TM7SF3: variants seen among roughly 807,000 people sequenced by gnomAD.
TM7SF3 encodes the protein transmembrane 7 superfamily member 3, also known as seven span transmembrane protein.
A neutral mutation model predicts 65.5 loss-of-function variants in TM7SF3; 60 were observed. The ratio of observed to expected loss-of-function variants is 0.92; its 90% confidence interval spans 0.74 to 1.14. TM7SF3 has a LOEUF of 1.14. TM7SF3 is among the 50% of genes most tolerant of loss of function. The pLI, the probability that TM7SF3 is intolerant of heterozygous loss-of-function variation, is 0.00. For missense variants in TM7SF3, 623 were observed against 684.8 expected (o/e 0.91, Z 1.01); for synonymous variants, 264 against 259.6 (o/e 1.02, Z -0.16).
intron 6 of TM7SF3, among the ~76,000 whole-genome samples, chr12:26,987,793 T>C (rs1940163129): frequency 6.6e-6 from 1 of 151,794 alleles, no homozygotes; most frequent in South Asian, 2.1e-4. Flanking sequence ...TAAAGACACT[T>C]AAAAAAAGGA....
At chr12:27,009,873 T>A (rs1941181864) in intron 1 of TM7SF3, among the ~76,000 whole-genome samples, 1 of 152,240 alleles carries the variant, frequency 6.6e-6, no homozygotes, top group Non-Finnish European at 1.5e-5. Context: ...ATCTCTAACC[T>A]AACATCTGTG....
Position 26,973,830 on chromosome 12 carries a change from C to G in TM7SF3, c.*135G>C. The G allele has an allele frequency of 5.3e-6, 6 of 1,130,288 alleles. No individual in the cohort carries two copies. The highest frequency in any genetic ancestry group is 7.5e-6 in the Non-Finnish European group (6 of 801,904). The allele number at this position is 1,130,288 out of a possible 1,614,324, so 70.0% of individuals were successfully genotyped here. A position where few individuals can be genotyped will look rare whatever the true frequency, so the allele number is the denominator to read the frequency against. On this transcript the variant is annotated 3_prime_UTR_variant, in exon 12 of 12. Transcript: ENST00000343028. ...CCCCTAGTACACCCTTACCATATAT[C>G]AATAAGGGCACCATAATATTATGCA...
At chr12:26,995,556 GAAGAA>G (rs1399667533) in intron 4 of TM7SF3, 148 bp from the exon 5 acceptor site, 3 of 835,614 alleles carry the variant, frequency 3.6e-6, no homozygotes, top group Non-Finnish European at 5.7e-6. Flanking sequence ...TTGGTATTCT[GAAGAA>G]AAGTAATGCA....
At position 27,003,341 on chromosome 12, in the gene TM7SF3, C is replaced by T. The variant is rs1940909002; in HGVS notation, c.141G>A (p.Arg47=). 1 of 1,613,372 alleles carries T rather than the reference C, an allele frequency of 6.2e-7. No homozygotes were observed. Among genetic ancestry groups the T allele is most frequent in the Non-Finnish European group, 8.5e-7 (1 of 1,179,818 alleles). ...GCAAAATAGCTTCCTCTGGAAAGGGCCTATTGAGCTCGAAGTATCTAAATT... is the reference window on the plus strand; with the variant it reads ...GCAAAATAGCTTCCTCTGGAAAGGGTCTATTGAGCTCGAAGTATCTAAATT... ...VGKFRYFELN[R]PFPEEAILHD... Residue 47 remains arginine (R), a synonymous_variant, in exon 2 of 12, where the codon AGG becomes AGA. Coordinates refer to ENST00000343028, the MANE Select transcript of TM7SF3 (RefSeq NM_016551.3).
intron 5 of TM7SF3, among the ~76,000 whole-genome samples, chr12:26,994,661 G>A (rs554112509): frequency 6.6e-6 from 1 of 152,288 alleles, no homozygotes; most frequent in Non-Finnish European, 1.5e-5. Flanking sequence ...TCACCTGAGG[G>A]ATATAAAATG....
intron 6 of TM7SF3, among the ~76,000 whole-genome samples, chr12:26,983,886 CCCA>C (rs1300547211): frequency 6.6e-6 from 1 of 152,116 alleles, no homozygotes; most frequent in African/African-American, 2.4e-5. Flanking sequence ...AAATTCATCA[CCCA>C]CCATCATGAG....
chr12:26,982,908 T>G, intron 6 of TM7SF3, 49 bp from the exon 7 acceptor site: 1 of 1,317,726 alleles, frequency 7.6e-7, no homozygotes. Flanking sequence ...TTTGATACTT[T>G]GTATTAATAT....
At position 26,999,634 on chromosome 12, in the gene TM7SF3, G is replaced by A. The variant is rs771608744; in HGVS notation, c.289C>T (p.Leu97=). ...NSSETGTASG[L]VFILRPEQST... ...TGCTCTGGTCTAAGGATGAAAACCA[G>A]TCCACTGGCAGTGCCTGTTTCCGAG... is the stretch of plus-strand genomic sequence containing the variant. The change falls in exon 3 of 12, where the codon CTG becomes TTG. Residue 97 remains leucine (L), a synonymous_variant. Coordinates refer to ENST00000343028, the MANE Select transcript of TM7SF3 (RefSeq NM_016551.3). The A allele has an allele frequency of 9.9e-6, 16 of 1,614,004 alleles. No individual in the cohort carries two copies. Among genetic ancestry groups the A allele is most frequent in the African/African-American group, 1.3e-5 (1 of 74,898 alleles).
chr12:26,998,518 T>C (rs1033415952), intron 3 of TM7SF3, among the ~76,000 whole-genome samples: 2 of 152,172 alleles, frequency 1.3e-5, no homozygotes, highest in Non-Finnish European at 2.9e-5. Flanking sequence ...ACCCTGTTCC[T>C]ACACCTATTT....
chr12:27,007,915 AT>A (rs2136453905), intron 1 of TM7SF3, among the ~76,000 whole-genome samples: 1 of 152,282 alleles, frequency 6.6e-6, no homozygotes, highest in East Asian at 1.9e-4. Context: ...GCTATAACTC[AT>A]TACCATAATT....
chr12:26,996,770 A>T lies in TM7SF3; in HGVS notation c.490T>A (p.Phe164Ile). 6.2e-7 allele frequency: 1 copy of T among 1,613,372 alleles called. No homozygotes were observed. Among genetic ancestry groups the T allele is most frequent in the Non-Finnish European group, 8.5e-7 (1 of 1,179,796 alleles). ...EYNFFETTIK[F>I]APANLGYARG... ...GCATAGCCTAGGTTTGCTGGGGCAAACTTGATAGTCGTTTCAAAGAAATTA... is the reference window on the plus strand; with the variant it reads ...GCATAGCCTAGGTTTGCTGGGGCAATCTTGATAGTCGTTTCAAAGAAATTA... Residue 164 changes from phenylalanine to isoleucine, a missense_variant, in exon 4 of 12, where the codon TTT becomes ATT. By Grantham distance (21) the Phe-to-Ile change is conservative. Transcript: ENST00000343028.
rs1476331747 is a variant in TM7SF3 at position 26,974,234 on chromosome 12, A to G, written c.1451-7T>C. On this transcript the variant is annotated splice_polypyrimidine_tract_variant and splice_region_variant and intron_variant, in intron 11 of 11. Coordinates refer to ENST00000343028, the MANE Select transcript of TM7SF3 (RefSeq NM_016551.3). The stretch of plus-strand genomic sequence containing the variant: ...ACTGCCAGGATAATGAAGTCTAAAA[A>G]ACAGTAGAAAAAGTACAGTTTGAAC... 1.2e-6 allele frequency: 2 copies of G among 1,611,562 alleles called. No homozygotes were observed. Among genetic ancestry groups the G allele is most frequent in the African/African-American group, 2.7e-5 (2 of 74,726 alleles).
chr12:26,986,046 T>C (rs1232028116), intron 6 of TM7SF3, among the ~76,000 whole-genome samples: 2 of 151,456 alleles, frequency 1.3e-5, no homozygotes, highest in Admixed American at 6.6e-5. Flanking sequence ...GCCAGGATGG[T>C]CTCGATCTCC....
intron 4 of TM7SF3, among the ~76,000 whole-genome samples, 197 bp from the exon 5 acceptor site, chr12:26,995,605 A>G (rs1027885879): frequency 6.6e-5 from 10 of 152,182 alleles, no homozygotes; most frequent in Admixed American, 3.3e-4. Context: ...TCTCCCCAAA[A>G]TTAATATGCT....
Position 26,995,356 on chromosome 12 carries a change from T to A in TM7SF3, c.571A>T (p.Arg191Trp). Residue 191 changes from arginine (R) to tryptophan (W), a missense_variant, in exon 5 of 12, where the codon AGG becomes TGG. Arg to Trp is a moderately radical substitution (Grantham distance 101). Transcript: ENST00000343028. ...TACTGATAGACATCATACTGCAACCTCCACCTGGAGTCCTGGTCTGTCCCA... is the reference window on the plus strand; with the variant it reads ...TACTGATAGACATCATACTGCAACCACCACCTGGAGTCCTGGTCTGTCCCA... ...DAGTDQDSRWRLQYDVYQYFL... is the reference protein window; with the variant it reads ...DAGTDQDSRWWLQYDVYQYFL... The A allele has an allele frequency of 1.9e-6, 3 of 1,614,142 alleles. No individual in the cohort carries two copies. Among genetic ancestry groups the A allele is most frequent in the Non-Finnish European group, 2.5e-6 (3 of 1,180,030 alleles).
At chr12:26,983,486 T>C (rs956757475) in intron 6 of TM7SF3, 1 of 449,208 alleles carries the variant, frequency 2.2e-6, no homozygotes, top group African/African-American at 2.0e-5. Context: ...CTTTAAGGTA[T>C]ACATACTGAA....
intron 3 of TM7SF3, among the ~76,000 whole-genome samples, chr12:26,997,886 C>T (rs932100718): frequency 1.5e-5 from 2 of 137,136 alleles, no homozygotes; most frequent in African/African-American, 5.6e-5. Flanking sequence ...AGTGAAGTGG[C>T]GCAATCTCAG....
At chr12:26,985,970 C>G (rs1251840955) in intron 6 of TM7SF3, among the ~76,000 whole-genome samples, 2 of 149,546 alleles carry the variant, frequency 1.3e-5, no homozygotes, top group South Asian at 2.1e-4. Flanking sequence ...CAGGCGCCCA[C>G]CACCATGCCC....
chr12:26,975,815 T>C, intron 10 of TM7SF3, 157 bp from the exon 11 acceptor site: 1 of 722,876 alleles, frequency 1.4e-6, no homozygotes, highest in Admixed American at 3.1e-5. Context: ...CCTGGAAAGA[T>C]AAACTGAAAA....
Sources: allele counts gnomAD v4.1 joint callset (sites outside exome capture counted in the v4.1 genomes callset), GRCh38; gene constraint gnomAD v4.1.1; transcripts MANE v1.5; gene names NCBI Gene and HGNC (gene_info 2026-07-23, HGNC 2026-07-21).